PVT1: variants seen among roughly 807,000 people sequenced by gnomAD.
PVT1 encodes the protein CXCR4/PVT1 fusion.
chr8:127,817,101 G>A (rs1283889512), intron 2 of PVT1, among the ~76,000 whole-genome samples: 5 of 150,976 alleles, frequency 3.3e-5, no homozygotes, highest in African/African-American at 4.9e-5. Flanking sequence ...CAGCTAGGAC[G>A]CAGTACTGCT....
At chr8:127,844,530 A>G (rs1001858330) in intron 2 of PVT1, among the ~76,000 whole-genome samples, 1 of 151,626 alleles carries the variant, frequency 6.6e-6, no homozygotes, top group African/African-American at 2.4e-5. Flanking sequence ...TAAAGATGCA[A>G]CTCATGCCAC....
At chr8:128,089,668 G>GT (rs1216527446) in intron 5 of PVT1, among the ~76,000 whole-genome samples, 5 of 151,080 alleles carry the variant, frequency 3.3e-5, no homozygotes, top group African/African-American at 9.8e-5. Flanking sequence ...AGCAGGGTGT[G>GT]GGGGGGGTCA....
intron 2 of PVT1, among the ~76,000 whole-genome samples, chr8:127,839,339 G>A (rs1033263114): frequency 2.6e-5 from 4 of 151,968 alleles, no homozygotes; most frequent in African/African-American, 9.7e-5. Context: ...CTTCAGGAGA[G>A]GAGTTTGAGA....
intron 3 of PVT1, among the ~76,000 whole-genome samples, chr8:127,984,994 TTTCC>T (rs1202727973): frequency 0.031 from 2,101 of 67,084 alleles, 205 homozygotes; most frequent in African/African-American, 0.1. Context: ...TTTCTTTCTC[TTTCC>T]TTCCTTCCTT....
chr8:127,831,723 A>T (rs1814852874), intron 2 of PVT1, among the ~76,000 whole-genome samples: 1 of 152,216 alleles, frequency 6.6e-6, no homozygotes. Context: ...GAGGAGAGTC[A>T]TCACTTGCAA....
intron 4 of PVT1, among the ~76,000 whole-genome samples, chr8:128,036,545 C>T (rs902670934): frequency 1.3e-5 from 2 of 152,118 alleles, no homozygotes; most frequent in Admixed American, 6.5e-5. Context: ...CGAGACCCAG[C>T]GCTTCTGGGG....
intron 2 of PVT1, among the ~76,000 whole-genome samples, chr8:127,845,563 T>C (rs886211109): frequency 1.3e-5 from 2 of 152,316 alleles, no homozygotes; most frequent in Admixed American, 1.3e-4. Flanking sequence ...GTCTAGGAAC[T>C]TAAGAATGCT....
chr8:128,026,302 AT>A (rs1245324687), intron 4 of PVT1, among the ~76,000 whole-genome samples: 1 of 147,880 alleles, frequency 6.8e-6, no homozygotes, highest in Non-Finnish European at 1.5e-5. Context: ...AAGACTTTTT[AT>A]TTTTTTATTT....
chr8:127,817,051 T>A (rs1030895836), intron 2 of PVT1, among the ~76,000 whole-genome samples: 2 of 151,698 alleles, frequency 1.3e-5, no homozygotes, highest in Non-Finnish European at 2.9e-5. Context: ...TGTGGACATT[T>A]CATACATCTG....
At position 128,083,905 on chromosome 8, in the gene PVT1, A is replaced by G. The variant is rs567325872; in HGVS notation, n.1115-12613A>G. 4.6e-5 allele frequency among the ~76,000 whole-genome samples: 7 copies of G among 152,320 alleles called. No homozygotes were observed. The South Asian group carries it at 1.5e-3, about 32-fold the overall frequency. On this transcript the variant is annotated intron_variant and non_coding_transcript_variant, in intron 5 of 10. Transcript: ENST00000651587. ...CAGCCACTAAGCAATATTTTGAAAT[A>G]TACCTTGTTCATGAGTTTAAAGGAT...
chr8:127,851,392 T>C (rs1815105799), intron 2 of PVT1, among the ~76,000 whole-genome samples: 2 of 152,204 alleles, frequency 1.3e-5, no homozygotes, highest in Admixed American at 6.5e-5. Context: ...TTCCAAGCAG[T>C]GTGACCTGGT....
intron 2 of PVT1, among the ~76,000 whole-genome samples, chr8:127,872,706 A>C (rs1815364248): frequency 6.6e-6 from 1 of 152,250 alleles, no homozygotes; most frequent in South Asian, 2.1e-4. Flanking sequence ...TTTCAATGGA[A>C]GCATCCAGAA....
intron 2 of PVT1, among the ~76,000 whole-genome samples, chr8:127,884,577 C>T (rs554488966): frequency 6.6e-6 from 1 of 152,218 alleles, no homozygotes; most frequent in Non-Finnish European, 1.5e-5. Context: ...TATCCTTTTT[C>T]AGAGTGTCTG....
At chr8:127,889,093 TTCCTTCCC>T (rs1815566107) in intron 2 of PVT1, among the ~76,000 whole-genome samples, 2 of 134,674 alleles carry the variant, frequency 1.5e-5, no homozygotes, top group East Asian at 2.0e-4. Flanking sequence ...CCTTCCTTCC[TTCCTTCCC>T]TCCTTCCTTC....
chr8:127,832,408 C>T (rs996651230), intron 2 of PVT1, among the ~76,000 whole-genome samples: 3 of 152,210 alleles, frequency 2.0e-5, no homozygotes, highest in African/African-American at 7.2e-5. Flanking sequence ...TGTCAACCTG[C>T]TGACAGATAA....
chr8:128,071,819 T>C (rs2608046), intron 5 of PVT1, among the ~76,000 whole-genome samples: 35,854 of 152,048 alleles, frequency 0.24, 4,471 homozygotes, highest in East Asian at 0.39. Context: ...CTCATAGATA[T>C]CTCTTGGCAG....
In PVT1 at chr8:127,898,836, C is replaced by T. The variant is rs536185659; in HGVS notation, n.782+7838C>T. Among the ~76,000 whole-genome samples the T allele has an allele frequency of 6.6e-6, 1 of 152,260 alleles. No individual in the cohort carries two copies. Among genetic ancestry groups the T allele is most frequent in the African/African-American group, 2.4e-5 (1 of 41,548 alleles). On this transcript the variant is annotated intron_variant and non_coding_transcript_variant, in intron 3 of 10. Coordinates refer to ENST00000651587, the Ensembl canonical transcript of PVT1. This position sits in a 1 kb window ranked among gnomAD's most constrained non-coding sequence, Gnocchi z 4.4. ...CAGTTGCTGGGGATGGGGGTCTTTC[C>T]CTCTCATCTGTCTGTCACCCTTTAT...
At chr8:127,965,127 A>G (rs1816689761) in intron 3 of PVT1, among the ~76,000 whole-genome samples, 1 of 152,166 alleles carries the variant, frequency 6.6e-6, no homozygotes, top group Non-Finnish European at 1.5e-5. Flanking sequence ...TCATATCCAG[A>G]TGCTCTTTTC....
At chr8:128,049,045 A>G (rs1813653875) in intron 4 of PVT1, 1 of 445,554 alleles carries the variant, frequency 2.2e-6, no homozygotes, top group Non-Finnish European at 4.4e-6. Flanking sequence ...AGAGATTTTT[A>G]TCTGGCTTGG....
Sources: gnomAD v4.1 joint callset for allele counts (sites outside exome capture counted in the v4.1 genomes callset) on GRCh38, gnomAD v4.1.1 for gene constraint, Gnocchi (gnomAD v3.1) non-coding constraint, MANE v1.5 for transcripts, NCBI Gene and HGNC (gene_info 2026-07-23, HGNC 2026-07-21) for gene names.